The following SP100 variants were observed in gnomAD, a reference collection of about 807,000 sequenced individuals.
SP100 encodes the protein nuclear autoantigen Sp-100.
A neutral mutation model predicts 130.0 loss-of-function variants in SP100; 84 were observed. The observed-to-expected ratio is 0.65, with a 90% confidence interval of 0.54 to 0.77. The LOEUF is 0.77. Among genes scored for constraint, SP100 ranks in the 30% least tolerant of loss-of-function variants. The pLI, the probability that SP100 is intolerant of heterozygous loss-of-function variation, is 0.00. For synonymous variants in SP100, 331 were observed against 351.7 expected, an observed-to-expected ratio of 0.94 and a Z score of 0.66; for missense variants, 978 against 1,052.2, an observed-to-expected ratio of 0.93 and a Z score of 0.97.
chr2:230,467,091 C>T, intron 12 of SP100, 29 bp from the exon 13 acceptor site: 2 of 1,468,816 alleles, frequency 1.4e-6, no homozygotes, highest in Non-Finnish European at 1.9e-6. Flanking sequence ...ACATTGAGAG[C>T]TCCAAAGGAC....
At chr2:230,432,909 C>T (rs913289044) in intron 2 of SP100, among the ~76,000 whole-genome samples, 2 of 151,950 alleles carry the variant, frequency 1.3e-5, no homozygotes, top group African/African-American at 2.4e-5. Context: ...TTTGTCTTAC[C>T]TAAAGTCACA....
chr2:230,541,075 A>C, intron 26 of SP100, 79 bp downstream of exon 26: 2 of 1,526,170 alleles, frequency 1.3e-6, no homozygotes, highest in Non-Finnish European at 1.8e-6. Context: ...AAAGTGCTCA[A>C]GGAATGGAGC....
chr2:230,473,188 A>C, intron 15 of SP100, 136 bp from the exon 16 acceptor site: 2 of 580,500 alleles, frequency 3.4e-6, no homozygotes, highest in Non-Finnish European at 6.2e-6. Flanking sequence ...GGAACCACAA[A>C]AGAAAAAGAG....
chr2:230,501,460 C>T (rs557732372), intron 19 of SP100, among the ~76,000 whole-genome samples: 1 of 152,210 alleles, frequency 6.6e-6, no homozygotes, highest in Admixed American at 6.5e-5. Context: ...TCTGATGGTA[C>T]CATTTTTATC....
intron 24 of SP100, among the ~76,000 whole-genome samples, chr2:230,517,784 AAAAG>A (rs1418676076): frequency 3.9e-5 from 6 of 152,094 alleles, no homozygotes; most frequent in Admixed American, 6.6e-5. Context: ...AAAAGTTTTA[AAAAG>A]AAAGAGATAT....
Position 230,440,546 on chromosome 2 carries a change from A to T in SP100, c.108-2391A>T, listed in dbSNP as rs73000242. On this transcript the variant is annotated intron_variant, in intron 2 of 28. Transcript: ENST00000340126. ...AAAAACTATAAGCAGTGCTGGGTAA[A>T]ATTAAACACATGTAAGTAAATGGAG... 10,353 of 1,380,288 alleles carry T rather than the reference A, an allele frequency of 7.5e-3. 53 individuals carry two copies. Among genetic ancestry groups the T allele is most frequent in the Non-Finnish European group, 9.0e-3 (9,509 of 1,057,276 alleles). 85.5% of individuals were successfully genotyped at this position (1,380,288 alleles called of 1,614,324 possible).
At chr2:230,484,085 G>A (rs2065954905) in intron 17 of SP100, among the ~76,000 whole-genome samples, 1 of 152,160 alleles carries the variant, frequency 6.6e-6, no homozygotes, top group Non-Finnish European at 1.5e-5. Flanking sequence ...CAACTCTTCA[G>A]CATTACACTT....
intron 2 of SP100, among the ~76,000 whole-genome samples, chr2:230,421,082 T>C (rs2062753920): frequency 6.6e-6 from 1 of 152,182 alleles, no homozygotes; most frequent in African/African-American, 2.4e-5. Context: ...CATAACCAAG[T>C]CATCTACTAT....
intron 8 of SP100, among the ~76,000 whole-genome samples, chr2:230,452,475 C>A (rs62193408): frequency 0.025 from 3,824 of 152,260 alleles, 79 homozygotes; most frequent in Non-Finnish European, 0.037. Flanking sequence ...TGCACCTGGC[C>A]GCCATTGGAA....
intron 8 of SP100, among the ~76,000 whole-genome samples, chr2:230,456,195 G>A (rs1347973643): frequency 2.6e-5 from 4 of 152,012 alleles, no homozygotes; most frequent in South Asian, 2.1e-4. Flanking sequence ...TGGTTGTCAG[G>A]TTTCTTTTTC....
At chr2:230,483,555 C>T (rs1199230992) in intron 17 of SP100, among the ~76,000 whole-genome samples, 2 of 152,056 alleles carry the variant, frequency 1.3e-5, no homozygotes, top group African/African-American at 4.8e-5. Context: ...ATCTGAATTA[C>T]GTTGTGAGAA....
intron 24 of SP100, among the ~76,000 whole-genome samples, chr2:230,520,969 T>C (rs894949537): frequency 6.6e-6 from 1 of 152,208 alleles, no homozygotes; most frequent in Non-Finnish European, 1.5e-5. Flanking sequence ...GTCAGCACCC[T>C]TTTCAGGGTC....
At chr2:230,482,453 T>C (rs942235773) in intron 17 of SP100, among the ~76,000 whole-genome samples, 1 of 152,172 alleles carries the variant, frequency 6.6e-6, no homozygotes, top group African/African-American at 2.4e-5. Flanking sequence ...CTAATCCTTG[T>C]GATCACTTGA....
chr2:230,475,000 T>C (rs1312370499), intron 17 of SP100, among the ~76,000 whole-genome samples: 1 of 151,612 alleles, frequency 6.6e-6, no homozygotes, highest in African/African-American at 2.4e-5. Context: ...AACATATGAG[T>C]GCGTGTATCT....
At chr2:230,499,506 A>ATAAATATATATAGATAGATATATATTT (rs1299599383) in intron 19 of SP100, among the ~76,000 whole-genome samples, 1 of 6,490 alleles carries the variant, frequency 1.5e-4, no homozygotes, top group African/African-American at 8.5e-4. Flanking sequence ...ATATATATAT[A>ATAAATATATATAGATAGATATATATTT]TATAAATGTA....
chr2:230,519,466 T>G (rs913210338), intron 24 of SP100, among the ~76,000 whole-genome samples: 3 of 152,234 alleles, frequency 2.0e-5, no homozygotes, highest in African/African-American at 7.2e-5. Flanking sequence ...GTAAATACGT[T>G]TTCCCCCTTT....
chr2:230,490,266 T>C (rs1291106263), intron 17 of SP100, among the ~76,000 whole-genome samples: 3 of 152,068 alleles, frequency 2.0e-5, no homozygotes, highest in Non-Finnish European at 4.4e-5. Flanking sequence ...TTTGTCTTTT[T>C]TGATCTTTGT....
At chr2:230,466,118 G>A (rs1476475927) in intron 11 of SP100, among the ~76,000 whole-genome samples, 183 bp from the exon 12 acceptor site, 1 of 132,522 alleles carries the variant, frequency 7.5e-6, no homozygotes, top group Non-Finnish European at 1.5e-5. Context: ...CTGGGAGGCA[G>A]AAGCTACAGT....
chr2:230,512,485 T>C (rs1478785602), intron 24 of SP100, among the ~76,000 whole-genome samples: 1 of 151,378 alleles, frequency 6.6e-6, no homozygotes, highest in Non-Finnish European at 1.5e-5. Flanking sequence ...AGACAGGGTT[T>C]TGTCATGCTG....
Sources: gnomAD v4.1 joint callset for allele counts (sites outside exome capture counted in the v4.1 genomes callset) on GRCh38, gnomAD v4.1.1 for gene constraint, MANE v1.5 for transcripts, NCBI Gene and HGNC (gene_info 2026-07-23, HGNC 2026-07-21) for gene names.